The following GABBR2 variants were observed in gnomAD, a reference collection of about 807,000 sequenced individuals.
GABBR2 encodes the protein gamma-aminobutyric acid type B receptor subunit 2.
Under a neutral mutation model 105.6 loss-of-function variants are expected in GABBR2, and 23 were observed. The observed-to-expected ratio is 0.22, with a 90% confidence interval of 0.16 to 0.31. GABBR2 has a LOEUF of 0.31. Among genes scored for constraint, GABBR2 ranks in the 10% least tolerant of loss-of-function variants. The probability of loss-of-function intolerance (pLI) is 1.00; values close to 1 mark genes in which losing one functional copy is unlikely to be tolerated. For missense variants in GABBR2, 734 were observed against 1,245.5 expected (o/e 0.59, Z 6.18); for synonymous variants, 478 against 499.7 (o/e 0.96, Z 0.58).
intron 13 of GABBR2, among the ~76,000 whole-genome samples, chr9:98,349,237 C>T (rs812855): frequency 0.77 from 116,154 of 151,738 alleles, 44,611 homozygotes; most frequent in Admixed American, 0.82. Flanking sequence ...ATTTATTGAT[C>T]TGTTTACGTT....
chr9:98,666,988 C>G (rs1305419421), intron 1 of GABBR2, among the ~76,000 whole-genome samples: 3 of 152,106 alleles, frequency 2.0e-5, no homozygotes, highest in Non-Finnish European at 2.9e-5. Flanking sequence ...GGATAGTGCT[C>G]CGTGGTCCTT....
rs535302312 is a variant in GABBR2, at chr9:98,498,935, C to T, written c.631-2421G>A. Among the ~76,000 whole-genome samples, 34 of 152,322 alleles carry T rather than the reference C, an allele frequency of 2.2e-4. No homozygotes were observed. The South Asian group carries it at 5.8e-3, about 26-fold the overall frequency. On this transcript the variant is annotated intron_variant, in intron 3 of 18. Coordinates refer to ENST00000259455, the MANE Select transcript of GABBR2 (RefSeq NM_005458.8). ...TGGCCCTCCTGGGAGGAGCTCAATGCGTGAGCTCCTGGAAACGCACAGTCT... is the reference window on the plus strand; with the variant it reads ...TGGCCCTCCTGGGAGGAGCTCAATGTGTGAGCTCCTGGAAACGCACAGTCT...
At chr9:98,533,953 T>C (rs1828120258) in intron 3 of GABBR2, among the ~76,000 whole-genome samples, 1 of 152,118 alleles carries the variant, frequency 6.6e-6, no homozygotes, top group Non-Finnish European at 1.5e-5. Flanking sequence ...GAGAGGATGA[T>C]GATTCTAACA....
At chr9:98,425,415 G>T (rs1832856792) in intron 7 of GABBR2, among the ~76,000 whole-genome samples, 1 of 152,146 alleles carries the variant, frequency 6.6e-6, no homozygotes, top group Non-Finnish European at 1.5e-5. Flanking sequence ...GTCTGTGCTT[G>T]GTACACATGT....
intron 2 of GABBR2, among the ~76,000 whole-genome samples, chr9:98,549,769 T>C (rs1828454885): frequency 6.6e-6 from 1 of 152,180 alleles, no homozygotes; most frequent in Admixed American, 6.5e-5. Flanking sequence ...CTTGAGCACA[T>C]CCTGGCCCAC....
chr9:98,412,539 CA>C (rs767547792), intron 7 of GABBR2, among the ~76,000 whole-genome samples: 4 of 152,074 alleles, frequency 2.6e-5, no homozygotes, highest in Non-Finnish European at 5.9e-5. Flanking sequence ...AACAATACTC[CA>C]AAAGGAAGGC....
Position 98,388,623 on chromosome 9 carries a change from GT to G in GABBR2, c.1529+230del, listed in dbSNP as rs1832118925. Among the ~76,000 whole-genome samples, 2 of 28,042 alleles carry G rather than the reference GT, an allele frequency of 7.1e-5. No homozygotes were observed. The highest frequency in any genetic ancestry group is 1.3e-4 in the Non-Finnish European group (2 of 14,972). The allele number at this position is 28,042 out of a possible 152,430, so 18.4% of individuals were successfully genotyped here. On this transcript the variant is annotated intron_variant, in intron 10 of 18. Coordinates refer to ENST00000259455, the MANE Select transcript of GABBR2 (RefSeq NM_005458.8). The surrounding 1 kb of genome is among the most constrained non-coding windows in gnomAD (Gnocchi z 4.4). ...GTGCAACCAGCAGCCTGGCCTCTGTGTGTGTGTGTGTGTGTGTGTGTGTGTG... is the reference window on the plus strand; with the variant it reads ...GTGCAACCAGCAGCCTGGCCTCTGTGGTGTGTGTGTGTGTGTGTGTGTGTG...
At chr9:98,504,675 A>G (rs1429224822) in intron 3 of GABBR2, among the ~76,000 whole-genome samples, 1 of 152,226 alleles carries the variant, frequency 6.6e-6, no homozygotes, top group Non-Finnish European at 1.5e-5. Flanking sequence ...TTACCTGACT[A>G]AAGTGTATAA....
intron 1 of GABBR2, among the ~76,000 whole-genome samples, chr9:98,602,956 T>A (rs1829362682): frequency 6.6e-6 from 1 of 152,084 alleles, no homozygotes; most frequent in Non-Finnish European, 1.5e-5. Context: ...GGCCTTCCAA[T>A]CCTATCTATA....
At chr9:98,359,455 AATCG>A (rs1288575088) in intron 13 of GABBR2, among the ~76,000 whole-genome samples, 2 of 152,062 alleles carry the variant, frequency 1.3e-5, no homozygotes, top group African/African-American at 4.8e-5. Flanking sequence ...AAATAAAATA[AATCG>A]ATCAATATTT....
intron 1 of GABBR2, among the ~76,000 whole-genome samples, chr9:98,585,550 G>A (rs1231506133): frequency 1.3e-5 from 2 of 151,282 alleles, no homozygotes; most frequent in Admixed American, 6.6e-5. Flanking sequence ...TAAATGATGA[G>A]TTAATGGGTG....
At chr9:98,513,935 C>G (rs545852817) in intron 3 of GABBR2, among the ~76,000 whole-genome samples, 9 of 152,312 alleles carry the variant, frequency 5.9e-5, no homozygotes, top group Admixed American at 2.6e-4. Flanking sequence ...ATAAATCATG[C>G]TGCTATAAAG....
At chr9:98,647,790 C>T (rs1830044592) in intron 1 of GABBR2, among the ~76,000 whole-genome samples, 1 of 152,182 alleles carries the variant, frequency 6.6e-6, no homozygotes, top group Admixed American at 6.5e-5. Flanking sequence ...GTAAAAGTTG[C>T]TACTCAAGTG....
chr9:98,487,995 C>T (rs1005749310), intron 4 of GABBR2, among the ~76,000 whole-genome samples: 1 of 152,076 alleles, frequency 6.6e-6, no homozygotes, highest in Admixed American at 6.5e-5. Flanking sequence ...TAAACATGGC[C>T]GAGGCAGAGA....
At chr9:98,328,163 CCT>C (rs896336320) in intron 13 of GABBR2, among the ~76,000 whole-genome samples, 4 of 151,810 alleles carry the variant, frequency 2.6e-5, no homozygotes, top group South Asian at 4.2e-4. Context: ...CTCACAAACC[CCT>C]GTCTCCATCT....
chr9:98,650,442 T>C (rs1474061570), intron 1 of GABBR2, among the ~76,000 whole-genome samples: 1 of 152,178 alleles, frequency 6.6e-6, no homozygotes, highest in Non-Finnish European at 1.5e-5. Context: ...ACAATATAAT[T>C]GACAAATTTC....
chr9:98,692,607 C>A (rs1454109292), intron 1 of GABBR2, among the ~76,000 whole-genome samples: 1 of 152,202 alleles, frequency 6.6e-6, no homozygotes, highest in African/African-American at 2.4e-5. Flanking sequence ...CCCCATCTGG[C>A]TGGACTGTAG....
rs552022777 is a variant in GABBR2 at position 98,389,018 on chromosome 9, A to G, written c.1379-14T>C. 7 of 1,608,806 alleles carry G rather than the reference A, an allele frequency of 4.4e-6. No individual in the cohort carries two copies. In the South Asian group the frequency reaches 5.5e-5, roughly 13 times the overall value. On this transcript the variant is annotated splice_polypyrimidine_tract_variant and intron_variant, in intron 9 of 18. Coordinates refer to ENST00000259455, the MANE Select transcript of GABBR2 (RefSeq NM_005458.8). ...GTGGTTCGGATCCTAGAGGATCAAG[A>G]GAAGACATCAGTGGGACCCAATGCA...
chr9:98,459,079 G>C (rs1214904273), intron 6 of GABBR2, among the ~76,000 whole-genome samples: 1 of 152,152 alleles, frequency 6.6e-6, no homozygotes, highest in Non-Finnish European at 1.5e-5. Flanking sequence ...TGTTCCTGCG[G>C]AGCCACAATA....
Sources: gnomAD v4.1 joint callset for allele counts (sites outside exome capture counted in the v4.1 genomes callset) on GRCh38, gnomAD v4.1.1 for gene constraint, Gnocchi (gnomAD v3.1) non-coding constraint, MANE v1.5 for transcripts, NCBI Gene and HGNC (gene_info 2026-07-23, HGNC 2026-07-21) for gene names.